The following PIEZO1 variants were observed in gnomAD, a reference collection of about 807,000 sequenced individuals.
PIEZO1 encodes the protein piezo type mechanosensitive ion channel component 1 (Er blood group), also known as piezo-type mechanosensitive ion channel component 1.
PIEZO1 carries 296 observed loss-of-function variants against 297.2 expected under a neutral mutation model. The observed-to-expected ratio is 1.00, with a 90% confidence interval of 0.91 to 1.10. PIEZO1 has a LOEUF of 1.10. PIEZO1 is among the 50% of genes least tolerant of loss of function. The pLI is 0.00. For missense variants in PIEZO1, 5,018 were observed against 3,455.5 expected (o/e 1.45, Z -11.34); for synonymous variants, 2,427 against 1,507.5 (o/e 1.61, Z -14.13).
chr16:88,749,467 C>T lies in PIEZO1; in HGVS notation c.77G>A (p.Arg26His), dbSNP rs780945315. The change falls in exon 2 of 51, where the codon CGC becomes CAC. Residue 26 changes from arginine to histidine, a missense_variant. Physicochemically the swap from Arg to His is conservative, Grantham distance 29. Transcript: ENST00000301015. ...GTAGACCAGCGAGAGTCCGCTGAAG[C>T]GGAGCAGGCAGGCTGCGGGGAGATG... ...PCALLAACLLRFSGLSLVYLL... is the reference protein window; with the variant it reads ...PCALLAACLLHFSGLSLVYLL... 1.1e-4 allele frequency: 169 copies of T among 1,525,658 alleles called. No homozygotes were observed. The highest frequency in any genetic ancestry group is 1.4e-4 in the Non-Finnish European group (158 of 1,142,994). 94.5% of individuals were successfully genotyped at this position (1,525,658 alleles called of 1,614,324 possible). A position where few individuals can be genotyped will look rare whatever the true frequency, so the allele number is the denominator to read the frequency against.
At chr16:88,769,792 C>T (rs1907339162) in intron 1 of PIEZO1, among the ~76,000 whole-genome samples, 1 of 118,890 alleles carries the variant, frequency 8.4e-6, no homozygotes, top group African/African-American at 3.2e-5. Context: ...AGGGAGGGGC[C>T]AGGGTGGGCG....
rs549984252 is a variant in PIEZO1, at chr16:88,721,156, G to A, written c.5668+10C>T. On this transcript the variant is annotated intron_variant, in intron 39 of 50. Coordinates refer to ENST00000301015, the MANE Select transcript of PIEZO1 (RefSeq NM_001142864.4). ...GGTAGGCAGGAGGTTGTGAGGCAGG[G>A]CGCTTATACCGATGGCTGCCGCTCC... 6.7e-7 allele frequency: 1 copy of A among 1,483,094 alleles called. No homozygotes were observed. The highest frequency in any genetic ancestry group is 8.9e-7 in the Non-Finnish European group (1 of 1,117,620). 91.9% of individuals were successfully genotyped at this position (1,483,094 alleles called of 1,614,324 possible).
rs532834969 is a variant in PIEZO1 at position 88,743,554 on chromosome 16, C to T, written c.161-1132G>A. ...CACCACATCTGCCCTCTCTCGGCCT[C>T]GGGGCGCAAACTCAGGGCCTGTGTC... On this transcript the variant is annotated intron_variant, in intron 2 of 50. Coordinates refer to ENST00000301015, the MANE Select transcript of PIEZO1 (RefSeq NM_001142864.4). The T allele has an allele frequency of 1.7e-4, 78 of 456,678 alleles. 1 individual carries two copies. Among genetic ancestry groups the T allele is most frequent in the South Asian group, 1.0e-3 (65 of 64,576 alleles). The allele number at this position is 456,678 out of a possible 1,614,324, so 28.3% of individuals were successfully genotyped here.
intron 17 of PIEZO1, 42 bp from the exon 18 acceptor site, chr16:88,733,787 TC>T (rs1905033565): frequency 6.7e-7 from 1 of 1,485,324 alleles, no homozygotes; most frequent in Non-Finnish European, 9.0e-7. Flanking sequence ...AAACGGGGAT[TC>T]CCGGGTCCCC....
In PIEZO1 at chr16:88,716,893, C is replaced by T; in HGVS notation, c.6666G>A (p.Leu2222=). ...ACGGCTGCTGGGCGCTCATGGTGAA[C>T]AGCGGCTGGGGCAGGCACGGGGACA... ...VTLKLGGYEP[L]FTMSAQQPSI... Residue 2222 remains leucine (L), a synonymous_variant, in exon 46 of 51, where the codon CTG becomes CTA. Coordinates refer to ENST00000301015, the MANE Select transcript of PIEZO1 (RefSeq NM_001142864.4). The T allele has an allele frequency of 1.3e-6, 2 of 1,549,896 alleles. No homozygotes were observed. Among genetic ancestry groups the T allele is most frequent in the Non-Finnish European group, 1.7e-6 (2 of 1,146,950 alleles).
chr16:88,766,166 C>A (rs1907169856), intron 1 of PIEZO1, among the ~76,000 whole-genome samples: 2 of 152,184 alleles, frequency 1.3e-5, no homozygotes, highest in Admixed American at 1.3e-4. Flanking sequence ...ACGCCAATCG[C>A]AATTTGGTGT....
At position 88,721,202 on chromosome 16, in the gene PIEZO1, T is replaced by A. The variant is rs113773794; in HGVS notation, c.5632A>T (p.Lys1878Ter). 2.8e-6 allele frequency: 2 copies of A among 704,114 alleles called. No homozygotes were observed. The highest frequency in any genetic ancestry group is 4.2e-6 in the Non-Finnish European group (2 of 480,392). The allele number at this position is 704,114 out of a possible 1,614,324, so 43.6% of individuals were successfully genotyped here. A position where few individuals can be genotyped will look rare whatever the true frequency, so the allele number is the denominator to read the frequency against. The change falls in exon 39 of 51, where the codon AAG becomes TAG. Residue 1878 changes from lysine to a stop codon, truncating the protein, a stop_gained. Transcript: ENST00000301015. LOFTEE classifies it high-confidence loss of function. The part of the protein sequence containing the change: ...RISLRFRRRK[K>*]EGPARKGAAA... ...GCTCCTTTCCGTGCTGGGCCCTCCT[T>A]CTTCCTTCTTCTAAAACGTAGACTG...
chr16:88,743,600 G>A (rs1321104826), intron 2 of PIEZO1: 4 of 456,628 alleles, frequency 8.8e-6, no homozygotes, highest in Non-Finnish European at 1.8e-5. Context: ...AGTTTTTTGA[G>A]CACAAATGGT....
chr16:88,720,639 C>T lies in PIEZO1; in HGVS notation c.5778G>A (p.Arg1926=), dbSNP rs369024245. Residue 1926 remains arginine, a synonymous_variant, in exon 40 of 51, where the codon CGG becomes CGA. Transcript: ENST00000301015. ...ACAGGGACAGGCAGAAGCCCTGCAG[C>T]CGCCGCCCGGCCGCCCTTACTCTTC... ...SGGRVRAAGR[R]LQGFCLSLAQ... is the part of the protein sequence containing the mutation. 261 of 1,546,708 alleles carry T rather than the reference C, an allele frequency of 1.7e-4. 1 individual carries two copies. Among genetic ancestry groups the T allele is most frequent in the Non-Finnish European group, 2.1e-4 (244 of 1,145,794 alleles).
chr16:88,745,712 G>T (rs1390876895), intron 2 of PIEZO1: 1 of 131,498 alleles, frequency 7.6e-6, no homozygotes, highest in African/African-American at 2.9e-5. Context: ...TCGCGCCACT[G>T]CACTCCAGCC....
chr16:88,716,569 T>C lies in PIEZO1; in HGVS notation c.6916A>G (p.Asn2306Asp), dbSNP rs1255360244. 6.5e-7 allele frequency: 1 copy of C among 1,543,592 alleles called. No homozygotes were observed. The highest frequency in any genetic ancestry group is 2.5e-5 in the East Asian group (1 of 40,786). ...AAGTCCAGGACGAACCTCTGGAAGT[T>C]CCAGGTGAAGCGCAGGGTGATGTCG... ...TADITLRFTW[N>D]FQRDLAKGGT... is the part of the protein sequence containing the mutation. Residue 2306 changes from asparagine to aspartate, a missense_variant, in exon 47 of 51, where the codon AAC becomes GAC. Asn to Asp is a conservative substitution (Grantham distance 23, BLOSUM62 1). Transcript: ENST00000301015.
chr16:88,723,177 C>G (rs915591150), intron 32 of PIEZO1, 26 bp from the exon 33 acceptor site: 37 of 1,549,440 alleles, frequency 2.4e-5, no homozygotes, highest in Non-Finnish European at 3.2e-5. Flanking sequence ...TGGTGAGTGA[C>G]TGGCAGTCCC....
chr16:88,784,765 G>C (rs1208218053), intron 1 of PIEZO1, 136 bp downstream of exon 1: 4 of 558,300 alleles, frequency 7.2e-6, no homozygotes, highest in Admixed American at 9.5e-5. Context: ...CGGGCGCCCG[G>C]GTCGCGCGTC....
intron 16 of PIEZO1, 109 bp downstream of exon 16, chr16:88,734,247 T>A (rs1447878654): frequency 1.6e-6 from 2 of 1,231,636 alleles, no homozygotes; most frequent in African/African-American, 3.0e-5. Flanking sequence ...AAATGCCCCT[T>A]GGGATCTGAA....
intron 40 of PIEZO1, 37 bp from the exon 41 acceptor site, chr16:88,720,569 G>GCCGCCCCC: frequency 1.2e-5 from 15 of 1,216,430 alleles, no homozygotes; most frequent in Non-Finnish European, 1.6e-5. Context: ...CCCAGTACCC[G>GCCGCCCCC]CCTCCCCACC....
intron 41 of PIEZO1, 36 bp downstream of exon 41, chr16:88,720,349 T>C: frequency 6.5e-7 from 1 of 1,550,162 alleles, no homozygotes. Context: ...TGCTGAGCTC[T>C]GCGTACACTG....
chr16:88,745,860 CAG>C (rs1234271602), intron 2 of PIEZO1: 1 of 152,086 alleles, frequency 6.6e-6, no homozygotes, highest in Admixed American at 6.5e-5. Flanking sequence ...GGATGGTTGA[CAG>C]AGCATGGACC....
intron 16 of PIEZO1, 140 bp from the exon 17 acceptor site, chr16:88,734,194 G>T: frequency 8.1e-7 from 1 of 1,230,962 alleles, no homozygotes. Flanking sequence ...CATGCCCACT[G>T]TCCCTGTGAC....
In PIEZO1 at chr16:88,738,580, G is replaced by A; in HGVS notation, c.622C>T (p.Leu208Phe). The change falls in exon 6 of 51, where the codon CTT becomes TTT. Residue 208 changes from leucine (L) to phenylalanine (F), a missense_variant. Physicochemically the swap from Leu to Phe is conservative, Grantham distance 22 (BLOSUM62 0). Coordinates refer to ENST00000301015, the MANE Select transcript of PIEZO1 (RefSeq NM_001142864.4). ...AAGRVLAVTL[L>F]ALAGIAHPSA... ...CCTCGGTGCGTACCTGCCAGTGCAAGCAGTGTTACGGCCAGGACCCGCCCA... is the reference window on the plus strand; with the variant it reads ...CCTCGGTGCGTACCTGCCAGTGCAAACAGTGTTACGGCCAGGACCCGCCCA... 1.3e-6 allele frequency: 2 copies of A among 1,535,352 alleles called. No homozygotes were observed. Among genetic ancestry groups the A allele is most frequent in the South Asian group, 1.2e-5 (1 of 84,016 alleles).
Sources: gnomAD v4.1 joint callset for allele counts (sites outside exome capture counted in the v4.1 genomes callset) on GRCh38, gnomAD v4.1.1 for gene constraint, MANE v1.5 for transcripts, NCBI Gene and HGNC (gene_info 2026-07-23, HGNC 2026-07-21) for gene names.